Variants in TTC23L observed in about 807,000 individuals in gnomAD.
The protein encoded by TTC23L is tetratricopeptide repeat domain 23 like.
Under a neutral mutation model 48.1 loss-of-function variants are expected in TTC23L, and 42 were observed. The ratio of observed to expected loss-of-function variants is 0.87; its 90% confidence interval spans 0.68 to 1.13. TTC23L has a LOEUF of 1.13. Ranked by LOEUF, TTC23L falls within the 50% of genes most tolerant of loss-of-function variation. The pLI is 0.00. For synonymous variants in TTC23L, 159 were observed against 157.2 expected, an observed-to-expected ratio of 1.01 and a Z score of -0.09; for missense variants, 391 against 421.0, an observed-to-expected ratio of 0.93 and a Z score of 0.62.
At chr5:34,846,561 CAAAAAAA>C (rs1156709677) in intron 3 of TTC23L, among the ~76,000 whole-genome samples, 2 of 31,566 alleles carry the variant, frequency 6.3e-5, no homozygotes, top group African/African-American at 2.4e-4. Flanking sequence ...GACTCTGTCT[CAAAAAAA>C]AAAAAAAAAT....
chr5:34,860,126 C>T (rs1760484837), intron 4 of TTC23L, among the ~76,000 whole-genome samples: 1 of 152,066 alleles, frequency 6.6e-6, no homozygotes. Context: ...GGATTACAGG[C>T]GTGAGCCACT....
the TTC23L span, among the ~76,000 whole-genome samples, chr5:34,919,555 A>G: frequency 4.2e-3 from 637 of 152,296 alleles, 6 homozygotes; most frequent in Non-Finnish European, 7.5e-3. Flanking sequence ...GAATTTTCCC[A>G]TTTTTGAAAA....
At chr5:34,850,096 T>C (rs1401010640) in intron 3 of TTC23L, 89 bp from the exon 4 acceptor site, 9 of 1,422,882 alleles carry the variant, frequency 6.3e-6, no homozygotes. Flanking sequence ...AGATGACAGG[T>C]GAATTCAGTC....
rs59410522 is a variant in TTC23L at position 34,846,707 on chromosome 5, G to GTGTGTGTGTGTA, written c.255+1035_255+1036insGTGTGTGTGTAT. ...TGTGTGTGTGTGTGTGTGTGTGTGT[G>GTGTGTGTGTGTA]TATCCATCCTGGAAGGTTTCAGGAT... is the stretch of plus-strand genomic sequence containing the variant. On this transcript the variant is annotated intron_variant, in intron 3 of 10. Transcript: ENST00000505624. Among the ~76,000 whole-genome samples the GTGTGTGTGTGTA allele has an allele frequency of 3.6e-3, 461 of 129,738 alleles. 13 individuals are homozygous for GTGTGTGTGTGTA. Among genetic ancestry groups the GTGTGTGTGTGTA allele is most frequent in the Middle Eastern group, 0.012 (3 of 258 alleles). The allele number at this position is 129,738 out of a possible 152,430, so 85.1% of individuals were successfully genotyped here.
At chr5:34,885,380 T>C (rs574868541) in intron 9 of TTC23L, among the ~76,000 whole-genome samples, 1 of 152,318 alleles carries the variant, frequency 6.6e-6, no homozygotes, top group South Asian at 2.1e-4. Context: ...ATGTAAGATT[T>C]CTTGAATGAT....
At chr5:34,857,433 T>A (rs1415281407) in intron 4 of TTC23L, among the ~76,000 whole-genome samples, 1 of 152,162 alleles carries the variant, frequency 6.6e-6, no homozygotes, top group African/African-American at 2.4e-5. Context: ...TTTGTCTAGT[T>A]GGTTAAAACA....
intron 10 of TTC23L, among the ~76,000 whole-genome samples, chr5:34,898,352 T>G (rs1418100480): frequency 6.6e-6 from 1 of 152,168 alleles, no homozygotes; most frequent in African/African-American, 2.4e-5. Flanking sequence ...CTGGAAACAC[T>G]GTTAGTCTCA....
chr5:34,845,811 A>G, intron 3 of TTC23L, 138 bp downstream of exon 3: 1 of 897,032 alleles, frequency 1.1e-6, no homozygotes, highest in South Asian at 1.9e-5. Context: ...CAGAAAACAA[A>G]GCAGAGCCTA....
At chr5:34,867,364 C>A in intron 7 of TTC23L, 1 of 395,812 alleles carries the variant, frequency 2.5e-6, no homozygotes, top group Non-Finnish European at 4.6e-6. Context: ...TGTGAGTCTA[C>A]TCCAAGGAAA....
At chr5:34,920,223 C>CGT in the TTC23L span, 1 of 159,724 alleles carries the variant, frequency 6.3e-6, no homozygotes, top group African/African-American at 2.4e-5. Flanking sequence ...GTCCATTAAA[C>CGT]ATATATATAT....
In TTC23L at chr5:34,856,966, T is replaced by C. The variant is rs143130916; in HGVS notation, c.380-5932T>C. On this transcript the variant is annotated intron_variant, in intron 4 of 10. Transcript: ENST00000505624. ...AAGATGATTTTACAAGAGAAGGAGATGCAGGAAGATTTTAGGCAAAGAGGA... is the reference window on the plus strand; with the variant it reads ...AAGATGATTTTACAAGAGAAGGAGACGCAGGAAGATTTTAGGCAAAGAGGA... 9.3e-3 allele frequency among the ~76,000 whole-genome samples: 1,423 copies of C among 152,232 alleles called. 9 individuals are homozygous for C. The highest frequency in any genetic ancestry group is 0.017 in the African/African-American group (688 of 41,546).
At chr5:34,909,291 T>C in the TTC23L span, 1 of 1,611,120 alleles carries the variant, frequency 6.2e-7, no homozygotes, top group African/African-American at 1.3e-5. Context: ...ATGAAATGCT[T>C]CCATCAAATC....
At chr5:34,867,687 G>C (rs1761175145) in intron 7 of TTC23L, 1 of 153,428 alleles carries the variant, frequency 6.5e-6, no homozygotes, top group African/African-American at 2.4e-5. Context: ...AATGCTGCCT[G>C]TGGCTTCAGG....
chr5:34,863,802 G>A lies in TTC23L; in HGVS notation c.537-635G>A, dbSNP rs115646829. Reference sequence around the variant, plus strand: ...GATGTTAAGGGCATTTGATGTTCACGCATCATCATGAGCACTCTTTGAGCC... The same window carrying A: ...GATGTTAAGGGCATTTGATGTTCACACATCATCATGAGCACTCTTTGAGCC... On this transcript the variant is annotated intron_variant, in intron 5 of 10. Transcript: ENST00000505624. This position sits in a 1 kb window ranked among gnomAD's most constrained non-coding sequence, Gnocchi z 4.1. 1.3e-5 allele frequency among the ~76,000 whole-genome samples: 2 copies of A among 152,102 alleles called. No homozygotes were observed. Among genetic ancestry groups the A allele is most frequent in the Non-Finnish European group, 2.9e-5 (2 of 68,006 alleles).
At chr5:34,908,710 A>C in the TTC23L span, 1 of 1,446,358 alleles carries the variant, frequency 6.9e-7, no homozygotes, top group East Asian at 2.3e-5. Flanking sequence ...CTGTACTCAG[A>C]ATAAGAACTT....
intron 8 of TTC23L, among the ~76,000 whole-genome samples, chr5:34,877,729 C>T (rs1013860884): frequency 1.3e-5 from 2 of 152,044 alleles, no homozygotes; most frequent in Non-Finnish European, 2.9e-5. Context: ...CAGCCAACAC[C>T]ATTATTCTTA....
intron 9 of TTC23L, among the ~76,000 whole-genome samples, chr5:34,891,336 G>A (rs1257080739): frequency 6.6e-6 from 1 of 152,136 alleles, no homozygotes; most frequent in Admixed American, 6.5e-5. Context: ...TAACCTCCTT[G>A]AACCTTGTTT....
chr5:34,850,969 ACT>A (rs1388959785), intron 4 of TTC23L, among the ~76,000 whole-genome samples: 1 of 151,822 alleles, frequency 6.6e-6, no homozygotes. Context: ...CCAGCTCAAG[ACT>A]CTCTGTTCCT....
downstream of TTC23L, chr5:34,902,477 C>T (rs956771564): frequency 1.4e-5 from 4 of 292,382 alleles, no homozygotes; most frequent in Non-Finnish European, 2.8e-5. Context: ...CCAAGTGTAT[C>T]ACTATCAACA....
Sources: allele counts gnomAD v4.1 joint callset (sites outside exome capture counted in the v4.1 genomes callset), GRCh38; gene constraint gnomAD v4.1.1; non-coding constraint Gnocchi (gnomAD v3.1); transcripts MANE v1.5; gene names NCBI Gene and HGNC (gene_info 2026-07-23, HGNC 2026-07-21).